Variants in CD247 observed in about 807,000 individuals in gnomAD.
CD247 encodes CD247 molecule.
A neutral mutation model predicts 30.0 loss-of-function variants in CD247; 13 were observed. That is an observed-to-expected ratio of 0.43 (90% CI 0.28 to 0.69). The LOEUF (loss-of-function observed/expected upper bound fraction) is 0.69. Among genes scored for constraint, CD247 ranks in the 30% least tolerant of loss-of-function variants. CD247 has a pLI of 0.16. For synonymous variants in CD247, 72 were observed against 80.0 expected (o/e 0.90, Z 0.53); for missense variants, 193 against 212.6 (o/e 0.91, Z 0.57).
At chr1:167,446,834 A>T (rs1048664065) in intron 1 of CD247, among the ~76,000 whole-genome samples, 4 of 152,160 alleles carry the variant, frequency 2.6e-5, no homozygotes, top group Admixed American at 2.6e-4. Context: ...TCTACTAAAA[A>T]ATACAAAAAA....
At chr1:167,448,142 T>C (rs749949329) in intron 1 of CD247, among the ~76,000 whole-genome samples, 1 of 152,224 alleles carries the variant, frequency 6.6e-6, no homozygotes, top group African/African-American at 2.4e-5. Context: ...GTAATAGTTA[T>C]AACCACTGGT....
At chr1:167,443,153 C>T (rs1651919792) in intron 1 of CD247, among the ~76,000 whole-genome samples, 1 of 152,208 alleles carries the variant, frequency 6.6e-6, no homozygotes, top group African/African-American at 2.4e-5. Flanking sequence ...TCCCCCAAAG[C>T]GCTCTACAAA....
intron 1 of CD247, among the ~76,000 whole-genome samples, chr1:167,516,059 A>C (rs879191254): frequency 6.6e-6 from 1 of 152,228 alleles, no homozygotes; most frequent in Admixed American, 6.5e-5. Flanking sequence ...ACACCACCTG[A>C]AATTAGCCTG....
intron 4 of CD247, among the ~76,000 whole-genome samples, chr1:167,438,231 A>G (rs558281207): frequency 3.3e-5 from 5 of 152,130 alleles, no homozygotes; most frequent in Non-Finnish European, 7.4e-5. Flanking sequence ...CCCTTCCTGT[A>G]TGGACCTCTT....
chr1:167,507,609 G>A (rs1298192903), intron 1 of CD247, among the ~76,000 whole-genome samples: 1 of 152,158 alleles, frequency 6.6e-6, no homozygotes, highest in East Asian at 1.9e-4. Context: ...CAAGGCTGGT[G>A]GATTATATGA....
At chr1:167,440,259 G>C (rs929610287) in intron 2 of CD247, 1 of 291,882 alleles carries the variant, frequency 3.4e-6, no homozygotes, top group African/African-American at 2.2e-5. Context: ...AAAAACCCAC[G>C]CTCTGGTCAG....
At chr1:167,434,284 G>A (rs1333973954) in intron 5 of CD247, 12 of 618,604 alleles carry the variant, frequency 1.9e-5, no homozygotes, top group Middle Eastern at 6.6e-4. Flanking sequence ...GCCCTTTGGA[G>A]TCTCCTCCGA....
At chr1:167,496,301 C>A (rs931266782) in intron 1 of CD247, among the ~76,000 whole-genome samples, 5 of 151,730 alleles carry the variant, frequency 3.3e-5, no homozygotes, top group African/African-American at 1.2e-4. Flanking sequence ...AAGAAGCTAT[C>A]GAGTGTGAGT....
chr1:167,488,619 A>G (rs772849441), intron 1 of CD247, among the ~76,000 whole-genome samples: 1 of 152,222 alleles, frequency 6.6e-6, no homozygotes, highest in Admixed American at 6.5e-5. Flanking sequence ...GTGCTCAACT[A>G]ACTGGGCAGA....
In CD247 at chr1:167,508,393, C is replaced by T. The variant is rs538461048; in HGVS notation, c.58+10015G>A. Among the ~76,000 whole-genome samples, 4 of 152,286 alleles carry T rather than the reference C, an allele frequency of 2.6e-5. No individual in the cohort carries two copies. In the East Asian group the frequency reaches 7.7e-4, roughly 29 times the overall value. The stretch of plus-strand genomic sequence containing the variant: ...AGTTTTTAAAGGGGATTTCACAGGC[C>T]AGGTCAGCAGGGAGATGGATGGGTG... On this transcript the variant is annotated intron_variant, in intron 1 of 7. Coordinates refer to ENST00000362089, the MANE Select transcript of CD247 (RefSeq NM_198053.3).
intron 1 of CD247, chr1:167,457,536 C>T (rs1652752625): frequency 6.6e-6 from 1 of 152,346 alleles, no homozygotes; most frequent in Non-Finnish European, 1.5e-5. Flanking sequence ...GCCAGTAAGT[C>T]TGTGAGTTCA....
intron 1 of CD247, among the ~76,000 whole-genome samples, chr1:167,486,553 G>A (rs369237615): frequency 2.0e-4 from 30 of 152,362 alleles, no homozygotes; most frequent in African/African-American, 6.7e-4. Context: ...GGCCCGCCTC[G>A]AGTTTGCGGA....
At chr1:167,472,735 G>A (rs929845431) in intron 1 of CD247, among the ~76,000 whole-genome samples, 6 of 152,150 alleles carry the variant, frequency 3.9e-5, no homozygotes, top group South Asian at 2.1e-4. Flanking sequence ...TGTTGGAAGC[G>A]CTCTAAATAT....
chr1:167,452,733 A>G (rs1228634339), intron 1 of CD247, among the ~76,000 whole-genome samples: 1 of 152,154 alleles, frequency 6.6e-6, no homozygotes, highest in African/African-American at 2.4e-5. Flanking sequence ...ACGCTCTGGG[A>G]GTAAACAATG....
Position 167,431,468 on chromosome 1 carries a change from G to GAGTACACT in CD247, c.*212_*213insAGTGTACT. On this transcript the variant is annotated 3_prime_UTR_variant, in exon 8 of 8. Transcript: ENST00000362089. ...GCAAACCAGAGGGCCCAAGGCCAGG[G>GAGTACACT]CCGTAAGCCCTGGGAGTACACTCCC... 1 of 629,562 alleles carries GAGTACACT rather than the reference G, an allele frequency of 1.6e-6. No homozygotes were observed. Among genetic ancestry groups the GAGTACACT allele is most frequent in the South Asian group, 1.8e-5 (1 of 54,214 alleles). 39.0% of individuals were successfully genotyped at this position (629,562 alleles called of 1,614,324 possible).
intron 1 of CD247, among the ~76,000 whole-genome samples, chr1:167,506,994 T>C (rs1655169388): frequency 6.6e-6 from 1 of 150,684 alleles, no homozygotes. Context: ...CATCCCAGGT[T>C]CAAGTGATTC....
At chr1:167,503,284 T>C (rs1466895886) in intron 1 of CD247, among the ~76,000 whole-genome samples, 1 of 152,204 alleles carries the variant, frequency 6.6e-6, no homozygotes, top group Non-Finnish European at 1.5e-5. Context: ...CCTTTTTGCA[T>C]TAAATCCTAC....
intron 4 of CD247, among the ~76,000 whole-genome samples, chr1:167,436,296 T>C (rs1263595456): frequency 6.6e-6 from 1 of 152,042 alleles, no homozygotes; most frequent in East Asian, 1.9e-4. Context: ...ACAAATTAGG[T>C]ATAGAAGGAA....
chr1:167,439,441 G>A, intron 2 of CD247, 41 bp from the exon 3 acceptor site: 1 of 1,600,894 alleles, frequency 6.2e-7, no homozygotes, highest in Non-Finnish European at 8.6e-7. Flanking sequence ...CTCCGCGAGG[G>A]CGCGCAGGGG....
Sources: allele counts gnomAD v4.1 joint callset (sites outside exome capture counted in the v4.1 genomes callset), GRCh38; gene constraint gnomAD v4.1.1; transcripts MANE v1.5; gene names NCBI Gene and HGNC (gene_info 2026-07-23, HGNC 2026-07-21).